The following CNTN1 variants were observed in gnomAD, a reference collection of about 807,000 sequenced individuals.
CNTN1 encodes contactin-1.
Under a neutral mutation model 126.4 loss-of-function variants are expected in CNTN1, and 38 were observed. That is an observed-to-expected ratio of 0.30 (90% CI 0.23 to 0.39). The LOEUF is 0.39. CNTN1 is among the 10% of genes least tolerant of loss of function. The probability of loss-of-function intolerance (pLI) is 1.00; values close to 1 mark genes in which losing one functional copy is unlikely to be tolerated. For synonymous variants in CNTN1, 413 were observed against 422.6 expected (o/e 0.98, Z 0.28); for missense variants, 1,009 against 1,248.4 (o/e 0.81, Z 2.89).
In CNTN1 at chr12:40,861,233, G is replaced by A. The variant is rs939728879; in HGVS notation, c.-76-47124G>A. ...CCATGTTAAGTTTTTTTCTCTTTCT[G>A]CAGACTTAAGTGTTTTGGCTGCATT... On this transcript the variant is annotated intron_variant, in intron 1 of 23. Coordinates refer to ENST00000551295, the MANE Select transcript of CNTN1 (RefSeq NM_001843.4). Among the ~76,000 whole-genome samples, 24 of 151,906 alleles carry A rather than the reference G, an allele frequency of 1.6e-4. No homozygotes were observed. In the South Asian group the frequency reaches 3.9e-3, roughly 25 times the overall value.
At position 40,981,016 on chromosome 12, in the gene CNTN1, A is replaced by G. The variant is rs778593974; in HGVS notation, c.1912A>G (p.Thr638Ala). The G allele has an allele frequency of 1.9e-6, 3 of 1,613,470 alleles. No homozygotes were observed. Among genetic ancestry groups the G allele is most frequent in the Admixed American group, 1.7e-5 (1 of 59,988 alleles). Residue 638 changes from threonine to alanine, a missense_variant, in exon 16 of 24, where the codon ACT becomes GCT. Transcript: ENST00000551295. Reference sequence around the variant, plus strand: ...CAATCATAGTCCTATTTCTAAATACACTATCCAGACCAAGACTATTCTTTC... The same window carrying G: ...CAATCATAGTCCTATTTCTAAATACGCTATCCAGACCAAGACTATTCTTTC... Reference protein sequence around the residue: ...SDNHSPISKYTIQTKTILSDD... With the variant: ...SDNHSPISKYAIQTKTILSDD...
At chr12:40,712,796 C>T (rs7962501) in intron 1 of CNTN1, among the ~76,000 whole-genome samples, 92,831 of 151,874 alleles carry the variant, frequency 0.61, 29,164 homozygotes, top group East Asian at 0.84. Flanking sequence ...AATATGCTAT[C>T]GTTTGGATGT....
chr12:41,050,406 A>G (rs1949646225), intron 23 of CNTN1, among the ~76,000 whole-genome samples: 1 of 152,164 alleles, frequency 6.6e-6, no homozygotes, highest in Non-Finnish European at 1.5e-5. Flanking sequence ...AGAAGGGTAA[A>G]GGGGAAGCAA....
chr12:40,982,313 A>C (rs1310887619), intron 16 of CNTN1, among the ~76,000 whole-genome samples: 1 of 152,196 alleles, frequency 6.6e-6, no homozygotes, highest in African/African-American at 2.4e-5. Context: ...TAGATACTTT[A>C]TAAACCTAAA....
chr12:40,891,546 G>C (rs1592213574), intron 1 of CNTN1, among the ~76,000 whole-genome samples: 1 of 152,020 alleles, frequency 6.6e-6, no homozygotes, highest in Non-Finnish European at 1.5e-5. Flanking sequence ...GACTCATTTT[G>C]AGTTAGTTTT....
At chr12:40,834,774 C>A (rs1265925764) in intron 1 of CNTN1, among the ~76,000 whole-genome samples, 2 of 151,920 alleles carry the variant, frequency 1.3e-5, no homozygotes, top group African/African-American at 2.4e-5. Flanking sequence ...TTTTAAAGTG[C>A]TTAGAAGTGA....
chr12:40,777,251 T>TA (rs1939625491), intron 1 of CNTN1, among the ~76,000 whole-genome samples: 1 of 151,452 alleles, frequency 6.6e-6, no homozygotes, highest in Non-Finnish European at 1.5e-5. Context: ...TTTTTTTTTT[T>TA]AATTCTCTAT....
intron 23 of CNTN1, among the ~76,000 whole-genome samples, chr12:41,066,312 A>G (rs1318784472): frequency 2.0e-5 from 3 of 152,210 alleles, no homozygotes; most frequent in Non-Finnish European, 1.5e-5. Context: ...ATTATGCAAT[A>G]TAGAATAAAA....
chr12:40,798,276 C>T (rs1363247659), intron 1 of CNTN1, among the ~76,000 whole-genome samples: 1 of 151,994 alleles, frequency 6.6e-6, no homozygotes, highest in Non-Finnish European at 1.5e-5. Context: ...ACTGAAGAGT[C>T]ATTGATTGTG....
intron 19 of CNTN1, among the ~76,000 whole-genome samples, chr12:41,017,794 A>G (rs115704343): frequency 0.051 from 7,730 of 152,156 alleles, 405 homozygotes; most frequent in Admixed American, 0.15. Context: ...ATTCTTGTTA[A>G]AAATAATACC....
At chr12:41,026,611 G>A (rs1949042324) in intron 21 of CNTN1, among the ~76,000 whole-genome samples, 1 of 152,168 alleles carries the variant, frequency 6.6e-6, no homozygotes. Context: ...TTTAGGTGTG[G>A]AAAGGCCACT....
chr12:40,968,677 G>A (rs1396295282), intron 15 of CNTN1, among the ~76,000 whole-genome samples: 1 of 152,128 alleles, frequency 6.6e-6, no homozygotes, highest in Non-Finnish European at 1.5e-5. Context: ...CAAAATTGCT[G>A]TGAGGTGGTA....
intron 1 of CNTN1, among the ~76,000 whole-genome samples, chr12:40,858,161 G>A (rs914516629): frequency 6.6e-6 from 1 of 152,066 alleles, no homozygotes; most frequent in South Asian, 2.1e-4. Context: ...GCTCTGAGAG[G>A]TCACTCCCTA....
intron 15 of CNTN1, 147 bp downstream of exon 15, chr12:40,959,381 T>A (rs1947023704): frequency 1.2e-6 from 1 of 845,606 alleles, no homozygotes; most frequent in Admixed American, 2.1e-5. Context: ...CTTCTTCCCA[T>A]GCCTAAGAAT....
chr12:40,977,499 G>C (rs1181666102), intron 15 of CNTN1, among the ~76,000 whole-genome samples: 1 of 151,998 alleles, frequency 6.6e-6, no homozygotes, highest in African/African-American at 2.4e-5. Context: ...AGATGGCTGG[G>C]GGGCTTAGAA....
chr12:40,701,638 G>A (rs1195651209), intron 1 of CNTN1, among the ~76,000 whole-genome samples: 1 of 152,042 alleles, frequency 6.6e-6, no homozygotes, highest in Non-Finnish European at 1.5e-5. Flanking sequence ...ATTTGTAAAT[G>A]CCTAATGGAT....
At chr12:40,894,405 G>A (rs1304937117) in intron 1 of CNTN1, among the ~76,000 whole-genome samples, 1 of 152,052 alleles carries the variant, frequency 6.6e-6, no homozygotes, top group African/African-American at 2.4e-5. Flanking sequence ...TAATAATAAT[G>A]TATTAATATT....
At chr12:40,768,542 T>C (rs1939212787) in intron 1 of CNTN1, among the ~76,000 whole-genome samples, 2 of 152,232 alleles carry the variant, frequency 1.3e-5, no homozygotes, top group Admixed American at 1.3e-4. Flanking sequence ...ACTGAAAAAG[T>C]ACTACACTTT....
chr12:40,835,799 TACAC>T (rs10556497), intron 1 of CNTN1, among the ~76,000 whole-genome samples: 14,377 of 142,406 alleles, frequency 0.1, 801 homozygotes, highest in East Asian at 0.11. Flanking sequence ...ATGCTATTTA[TACAC>T]ACACACACAC....
Sources: allele counts gnomAD v4.1 joint callset (sites outside exome capture counted in the v4.1 genomes callset), GRCh38; gene constraint gnomAD v4.1.1; transcripts MANE v1.5; gene names NCBI Gene and HGNC (gene_info 2026-07-23, HGNC 2026-07-21).